The following MTMR6 variants were observed in gnomAD, a reference collection of about 807,000 sequenced individuals.
The protein encoded by MTMR6 is phosphatidylinositol-3,5-bisphosphate 3-phosphatase MTMR6.
In MTMR6, 47 loss-of-function variants were observed where a neutral mutation model predicts 80.1. The ratio of observed to expected loss-of-function variants is 0.59; its 90% CI spans 0.46 to 0.75. MTMR6 has a LOEUF of 0.75. Ranked by LOEUF, MTMR6 falls within the 30% of genes least tolerant of loss-of-function variation. The pLI, the probability that MTMR6 is intolerant of heterozygous loss-of-function variation, is 0.00. For missense variants in MTMR6, 629 were observed against 730.9 expected (o/e 0.86, Z 1.61); for synonymous variants, 254 against 253.0 (o/e 1.00, Z -0.04).
intron 1 of MTMR6, among the ~76,000 whole-genome samples, chr13:25,282,983 T>C (rs1490159051): frequency 1.3e-5 from 2 of 151,870 alleles, no homozygotes; most frequent in East Asian, 1.9e-4. Context: ...TCATTCACAA[T>C]AGAAATTTCA....
rs570965402 is a variant in MTMR6, at chr13:25,247,243, T to C, written c.*1989A>G. ...AAAACAACTACAACTTGATTCCATT[T>C]GTTTTATCCAGAAGAAAAACATTCA... On this transcript the variant is annotated 3_prime_UTR_variant, in exon 14 of 14. Coordinates refer to ENST00000381801, the MANE Select transcript of MTMR6 (RefSeq NM_004685.5). The C allele has an allele frequency of 5.2e-5, 8 of 152,756 alleles. No individual in the cohort carries two copies. Among genetic ancestry groups the C allele is most frequent in the African/African-American group, 1.9e-4 (8 of 41,588 alleles). The allele number at this position is 152,756 out of a possible 1,614,324, so 9.5% of individuals were successfully genotyped here.
At chr13:25,270,013 AT>A (rs2137584210) in intron 2 of MTMR6, among the ~76,000 whole-genome samples, 2 of 152,314 alleles carry the variant, frequency 1.3e-5, no homozygotes, top group South Asian at 4.1e-4. Context: ...AGTATTTCAA[AT>A]TTTGGATTTT....
In MTMR6 at chr13:25,287,399, G is replaced by C; in HGVS notation, c.-152C>G. On this transcript the variant is annotated 5_prime_UTR_variant, in exon 1 of 14. Transcript: ENST00000381801. Reference sequence around the variant, plus strand: ...CGGCCCCGGTGGCGTCAACGGCGCAGGTGCAGCCGGTGAGCGCCGTCTCCT... The same window carrying C: ...CGGCCCCGGTGGCGTCAACGGCGCACGTGCAGCCGGTGAGCGCCGTCTCCT... 1.0e-6 allele frequency: 1 copy of C among 983,304 alleles called. No individual in the cohort carries two copies. The highest frequency in any genetic ancestry group is 1.5e-6 in the Non-Finnish European group (1 of 652,594). The allele number at this position is 983,304 out of a possible 1,614,324, so 60.9% of individuals were successfully genotyped here.
intron 5 of MTMR6, among the ~76,000 whole-genome samples, chr13:25,262,879 G>T (rs1283092197): frequency 1.3e-5 from 2 of 152,188 alleles, no homozygotes; most frequent in East Asian, 3.8e-4. Context: ...GTTGTTCACA[G>T]AATAACTATT....
In MTMR6 at chr13:25,274,143, C is replaced by T. The variant is rs1957649200; in HGVS notation, c.69G>A (p.Lys23=). ...KLLDRFSTSN[K]SLTGTLYLTA... ...TAAGATACAGTGTTCCTGTTAATGA[C>T]TTGTTGCTGGTACTGAATCGGTCAA... The change falls in exon 2 of 14, where the codon AAG becomes AAA. Residue 23 remains lysine (K), a synonymous_variant. Transcript: ENST00000381801. 6.2e-7 allele frequency: 1 copy of T among 1,612,896 alleles called. No homozygotes were observed. Among genetic ancestry groups the T allele is most frequent in the Non-Finnish European group, 8.5e-7 (1 of 1,179,408 alleles).
intron 13 of MTMR6, among the ~76,000 whole-genome samples, chr13:25,249,858 A>T (rs1957049566): frequency 6.6e-6 from 1 of 152,178 alleles, no homozygotes; most frequent in South Asian, 2.1e-4. Context: ...CAACAAACAA[A>T]CTTGTGTAGC....
chr13:25,257,062 T>TG, intron 9 of MTMR6, 134 bp downstream of exon 9: 1 of 988,938 alleles, frequency 1.0e-6, no homozygotes, highest in Non-Finnish European at 1.5e-6. Flanking sequence ...GCAATATCCC[T>TG]GGCCACTCCC....
intron 6 of MTMR6, among the ~76,000 whole-genome samples, chr13:25,259,672 A>G (rs575050645): frequency 6.6e-6 from 1 of 152,290 alleles, no homozygotes; most frequent in South Asian, 2.1e-4. Flanking sequence ...AATTATACAA[A>G]TAAGAACTAT....
At position 25,274,090 on chromosome 13, in the gene MTMR6, G is replaced by C. The variant is rs1470634026; in HGVS notation, c.122C>G (p.Ser41Cys). 2 of 1,604,706 alleles carry C rather than the reference G, an allele frequency of 1.2e-6. No individual in the cohort carries two copies. The highest frequency in any genetic ancestry group is 1.7e-5 in the Admixed American group (1 of 59,340). Residue 41 changes from serine (S) to cysteine (C), a missense_variant, in exon 2 of 14, where the codon TCT becomes TGT. Transcript: ENST00000381801. The part of the protein sequence containing the change: ...LTATHLLFID[S>C]HQKETWILHH... Reference sequence around the variant, plus strand: ...CCTTACCCAGGTTTCTTTTTGATGAGAGTCGATAAATAATAGATGTGTAGC... The same window carrying C: ...CCTTACCCAGGTTTCTTTTTGATGACAGTCGATAAATAATAGATGTGTAGC...
chr13:25,261,865 T>C, intron 5 of MTMR6, 63 bp from the exon 6 acceptor site: 1 of 1,462,668 alleles, frequency 6.8e-7, no homozygotes, highest in East Asian at 2.5e-5. Context: ...TAAAGATGCT[T>C]ACAAGAAAAA....
chr13:25,283,285 C>T (rs1261236433), intron 1 of MTMR6, among the ~76,000 whole-genome samples: 1 of 152,162 alleles, frequency 6.6e-6, no homozygotes, highest in African/African-American at 2.4e-5. Flanking sequence ...GTAGAACTAA[C>T]TGTGTGAGCC....
Position 25,251,102 on chromosome 13 carries a change from C to T in MTMR6, c.1605+547G>A, listed in dbSNP as rs576149274. Among the ~76,000 whole-genome samples the T allele has an allele frequency of 2.6e-5, 4 of 152,162 alleles. No individual in the cohort carries two copies. Among genetic ancestry groups the T allele is most frequent in the East Asian group, 3.9e-4 (2 of 5,168 alleles). On this transcript the variant is annotated intron_variant, in intron 13 of 13. Transcript: ENST00000381801. The surrounding 1 kb of genome is among the most constrained non-coding windows in gnomAD (Gnocchi z 4.1). ...CATGATCTTGGCTCACTGCAACCTC[C>T]GCCTCCCAGGTTCAAGCAATTCTCC...
chr13:25,278,639 G>A (rs1190476071), intron 1 of MTMR6, among the ~76,000 whole-genome samples: 8 of 146,410 alleles, frequency 5.5e-5, no homozygotes, highest in Non-Finnish European at 8.9e-5. Context: ...CTTGAACCCA[G>A]GAGGTGGAGG....
chr13:25,262,358 C>A (rs1240655594), intron 5 of MTMR6, among the ~76,000 whole-genome samples: 3 of 152,074 alleles, frequency 2.0e-5, no homozygotes. Context: ...TCATTATTTA[C>A]TGTTTTTTGT....
intron 11 of MTMR6, among the ~76,000 whole-genome samples, chr13:25,252,711 C>T (rs759928377): frequency 2.2e-4 from 32 of 143,986 alleles, no homozygotes; most frequent in Admixed American, 5.7e-4. Context: ...AATAGTTTTT[C>T]CTAAAATAGC....
chr13:25,278,685 C>G lies in MTMR6; in HGVS notation c.25-4498G>C, dbSNP rs186477308. Among the ~76,000 whole-genome samples, 618 of 127,190 alleles carry G rather than the reference C, an allele frequency of 4.9e-3. 4 individuals are homozygous for G. The highest frequency in any genetic ancestry group is 7.8e-3 in the Non-Finnish European group (500 of 64,234). 83.4% of individuals were successfully genotyped at this position (127,190 alleles called of 152,430 possible). On this transcript the variant is annotated intron_variant, in intron 1 of 13. Coordinates refer to ENST00000381801, the MANE Select transcript of MTMR6 (RefSeq NM_004685.5). ...CCGAAATTGCATCACTGCACTCCAGCCTGGGCACAAGAGCAAGACTCTGCA... is the reference window on the plus strand; with the variant it reads ...CCGAAATTGCATCACTGCACTCCAGGCTGGGCACAAGAGCAAGACTCTGCA...
intron 1 of MTMR6, among the ~76,000 whole-genome samples, chr13:25,278,926 C>T (rs1011419727): frequency 1.3e-5 from 2 of 151,958 alleles, no homozygotes; most frequent in Non-Finnish European, 2.9e-5. Context: ...TACATGCACG[C>T]ACACACTCAA....
At chr13:25,281,121 T>A (rs1173608774) in intron 1 of MTMR6, among the ~76,000 whole-genome samples, 3 of 151,712 alleles carry the variant, frequency 2.0e-5, no homozygotes, top group Non-Finnish European at 2.9e-5. Flanking sequence ...AGACCAGGAG[T>A]CTGAGAACCA....
intron 6 of MTMR6, among the ~76,000 whole-genome samples, chr13:25,261,175 G>A (rs1044873583): frequency 1.3e-5 from 2 of 151,300 alleles, no homozygotes; most frequent in African/African-American, 2.4e-5. Context: ...CAGGCATGGT[G>A]GTACGTGCCT....
Sources: allele counts gnomAD v4.1 joint callset (sites outside exome capture counted in the v4.1 genomes callset), GRCh38; gene constraint gnomAD v4.1.1; non-coding constraint Gnocchi (gnomAD v3.1); transcripts MANE v1.5; gene names NCBI Gene and HGNC (gene_info 2026-07-23, HGNC 2026-07-21).